Variants in SLC1A3 observed in about 807,000 individuals in gnomAD.
SLC1A3 encodes the protein excitatory amino acid transporter 1.
In SLC1A3, 21 loss-of-function variants were observed where a neutral mutation model predicts 48.1. That is an observed-to-expected ratio of 0.44 (90% CI 0.31 to 0.63). The LOEUF (loss-of-function observed/expected upper bound fraction) is 0.63. Among genes scored for constraint, SLC1A3 ranks in the 20% least tolerant of loss-of-function variants. SLC1A3 has a pLI of 0.08. For synonymous variants in SLC1A3, 239 were observed against 251.4 expected (o/e 0.95, Z 0.47); for missense variants, 546 against 689.0 (o/e 0.79, Z 2.32).
At chr5:36,644,752 A>G (rs910583238) in intron 3 of SLC1A3, among the ~76,000 whole-genome samples, 3 of 152,204 alleles carry the variant, frequency 2.0e-5, no homozygotes, top group East Asian at 1.9e-4. Context: ...CCTAAATTTT[A>G]CTTTCTAAGA....
intron 3 of SLC1A3, among the ~76,000 whole-genome samples, chr5:36,645,319 CTTTT>C (rs68027582): frequency 0.013 from 1,059 of 84,258 alleles, 117 homozygotes; most frequent in African/African-American, 0.043. Flanking sequence ...CTTCCGCTGC[CTTTT>C]TTTTTTTTTT....
At chr5:36,674,161 CT>C in intron 5 of SLC1A3, 70 bp downstream of exon 5, 2 of 1,171,668 alleles carry the variant, frequency 1.7e-6, no homozygotes, top group African/African-American at 3.0e-5. Flanking sequence ...GTGGGACCCT[CT>C]TTTCCCTGCT....
At chr5:36,641,732 C>T (rs1312697889) in intron 3 of SLC1A3, among the ~76,000 whole-genome samples, 1 of 152,170 alleles carries the variant, frequency 6.6e-6, no homozygotes, top group Admixed American at 6.5e-5. Flanking sequence ...TAGAGCCAGA[C>T]ATCAGTGTAG....
chr5:36,652,689 A>G (rs1038626874), intron 3 of SLC1A3, among the ~76,000 whole-genome samples: 2 of 152,258 alleles, frequency 1.3e-5, no homozygotes, highest in Non-Finnish European at 2.9e-5. Context: ...TCTATGTATT[A>G]CTAACACTGC....
intron 3 of SLC1A3, among the ~76,000 whole-genome samples, chr5:36,667,240 A>C (rs1434660639): frequency 2.0e-5 from 3 of 152,226 alleles, no homozygotes; most frequent in African/African-American, 7.2e-5. Context: ...TGATATTATC[A>C]GCTCTCTAGC....
chr5:36,686,041 C>T lies in SLC1A3; in HGVS notation c.1425-24C>T, dbSNP rs546709204. 333 of 1,607,468 alleles carry T rather than the reference C, an allele frequency of 2.1e-4. 4 individuals carry two copies. In the South Asian group the frequency reaches 3.5e-3, roughly 17 times the overall value. Reference sequence around the variant, plus strand: ...TGATGCTCACGGGAGCCTCGTTTTTCCCTCCTCCCCACCCTGCCTGCAGGG... The same window carrying T: ...TGATGCTCACGGGAGCCTCGTTTTTTCCTCCTCCCCACCCTGCCTGCAGGG... On this transcript the variant is annotated intron_variant, in intron 9 of 9. Coordinates refer to ENST00000265113, the MANE Select transcript of SLC1A3 (RefSeq NM_004172.5).
chr5:36,671,030 A>G lies in SLC1A3; in HGVS notation c.321A>G (p.Gly107=). The change falls in exon 4 of 10, where the codon GGA becomes GGG. Residue 107 remains glycine, a splice_region_variant and synonymous_variant. Coordinates refer to ENST00000265113, the MANE Select transcript of SLC1A3 (RefSeq NM_004172.5). Reference sequence around the variant, plus strand: ...AAATCTTCTGTTTGCCTCCACCAGGAATGGCGGCGCTAGATAGTAAGGCAT... The same window carrying G: ...AAATCTTCTGTTTGCCTCCACCAGGGATGGCGGCGCTAGATAGTAAGGCAT... ...LPLIISSLVT[G]MAALDSKASG... 2 of 1,613,776 alleles carry G rather than the reference A, an allele frequency of 1.2e-6. No homozygotes were observed. The highest frequency in any genetic ancestry group is 1.7e-6 in the Non-Finnish European group (2 of 1,179,726).
At chr5:36,609,358 C>A (rs1233037430) in intron 2 of SLC1A3, 3 of 692,340 alleles carry the variant, frequency 4.3e-6, no homozygotes, top group Non-Finnish European at 3.6e-6. Flanking sequence ...GCTGAAAAAA[C>A]CTACTTATTT....
chr5:36,627,636 A>G (rs1239418045), intron 2 of SLC1A3, among the ~76,000 whole-genome samples: 1 of 152,246 alleles, frequency 6.6e-6, no homozygotes, highest in Non-Finnish European at 1.5e-5. Context: ...AACGAATCTG[A>G]TATCAGGAGA....
intron 8 of SLC1A3, among the ~76,000 whole-genome samples, chr5:36,680,914 TCA>T (rs1491472818): frequency 4.9e-4 from 59 of 120,124 alleles, no homozygotes; most frequent in East Asian, 1.7e-3. Context: ...AGACTCCATC[TCA>T]AAAAAAAAAA....
intron 2 of SLC1A3, among the ~76,000 whole-genome samples, chr5:36,619,242 C>T (rs1196264432): frequency 6.6e-6 from 1 of 152,210 alleles, no homozygotes; most frequent in Admixed American, 6.5e-5. Context: ...TGAGTAGCTT[C>T]TCACCAGGAA....
At chr5:36,598,488 T>G (rs1738768855) in intron 1 of SLC1A3, among the ~76,000 whole-genome samples, 1 of 152,216 alleles carries the variant, frequency 6.6e-6, no homozygotes, top group Non-Finnish European at 1.5e-5. Flanking sequence ...AGAGAGGAAT[T>G]CATGAGCCCT....
intron 8 of SLC1A3, among the ~76,000 whole-genome samples, chr5:36,680,901 G>C (rs1214294457): frequency 2.2e-5 from 3 of 138,880 alleles, no homozygotes; most frequent in African/African-American, 8.6e-5. Context: ...GGGGGACACA[G>C]CAAGACTCCA....
chr5:36,603,258 T>C (rs1579932914), upstream of SLC1A3, among the ~76,000 whole-genome samples: 2 of 152,336 alleles, frequency 1.3e-5, no homozygotes. Flanking sequence ...GTGTACACAA[T>C]GTGGATCCAG....
intron 9 of SLC1A3, among the ~76,000 whole-genome samples, chr5:36,685,522 T>A (rs1374531636): frequency 6.6e-6 from 1 of 152,194 alleles, no homozygotes; most frequent in Middle Eastern, 3.2e-3. Flanking sequence ...GTGAACCACC[T>A]GCCTTGGCCT....
At chr5:36,607,492 G>A (rs1214541363) in intron 1 of SLC1A3, among the ~76,000 whole-genome samples, 1 of 152,208 alleles carries the variant, frequency 6.6e-6, no homozygotes, top group Non-Finnish European at 1.5e-5. Context: ...AAGCTGTAAT[G>A]TTTGGAATGA....
At chr5:36,598,068 A>C (rs534064710) in intron 1 of SLC1A3, among the ~76,000 whole-genome samples, 1 of 152,298 alleles carries the variant, frequency 6.6e-6, no homozygotes, top group Admixed American at 6.5e-5. Context: ...AATCTGTAGA[A>C]TTCTGAGAGT....
chr5:36,677,457 T>A (rs1294282793), intron 6 of SLC1A3, among the ~76,000 whole-genome samples: 1 of 152,220 alleles, frequency 6.6e-6, no homozygotes, highest in Non-Finnish European at 1.5e-5. Context: ...CTCCATTTTT[T>A]ATCTAGTTTT....
chr5:36,647,758 T>G (rs1019501604), intron 3 of SLC1A3, among the ~76,000 whole-genome samples: 3 of 152,198 alleles, frequency 2.0e-5, no homozygotes, highest in Non-Finnish European at 4.4e-5. Context: ...TTAGCAAACA[T>G]CCAGACTCCA....
Sources: gnomAD v4.1 joint callset for allele counts (sites outside exome capture counted in the v4.1 genomes callset) on GRCh38, gnomAD v4.1.1 for gene constraint, MANE v1.5 for transcripts, NCBI Gene and HGNC (gene_info 2026-07-23, HGNC 2026-07-21) for gene names.